Variants in HNRNPC observed in about 807,000 individuals in gnomAD.
HNRNPC encodes the protein heterogeneous nuclear ribonucleoproteins C1/C2.
In HNRNPC, 3 loss-of-function variants were observed where a neutral mutation model predicts 33.2. The observed-to-expected ratio is 0.09, with a 90% CI of 0.04 to 0.23. The LOEUF is 0.23. Among genes scored for constraint, HNRNPC ranks in the 10% least tolerant of loss-of-function variants. HNRNPC has a pLI of 1.00. For synonymous variants in HNRNPC, 121 were observed against 126.7 expected (o/e 0.96, Z 0.30); for missense variants, 143 against 366.7 (o/e 0.39, Z 4.98).
chr14:21,268,049 T>C (rs1248836166), intron 1 of HNRNPC, among the ~76,000 whole-genome samples: 1 of 152,230 alleles, frequency 6.6e-6, no homozygotes, highest in Non-Finnish European at 1.5e-5. Context: ...GTTTAAACTG[T>C]GCTTAACAGC....
intron 2 of HNRNPC, among the ~76,000 whole-genome samples, chr14:21,246,382 A>G (rs1267265757): frequency 6.6e-6 from 1 of 151,710 alleles, no homozygotes; most frequent in East Asian, 1.9e-4. Flanking sequence ...ACATGGTGAA[A>G]CTCCGTCTCT....
At chr14:21,232,238 C>T (rs1894195384) in intron 3 of HNRNPC, among the ~76,000 whole-genome samples, 1 of 152,132 alleles carries the variant, frequency 6.6e-6, no homozygotes, top group African/African-American at 2.4e-5. Context: ...ATTCAGTTTA[C>T]CTTCCCAGTC....
In HNRNPC at chr14:21,223,069, G is replaced by A. The variant is rs577959882; in HGVS notation, c.365+7250C>T. ...CACACACAAAAAAAGAGCCCGGCGT[G>A]GTGATGCATGCCTGTAATCCCAGCT... is the stretch of plus-strand genomic sequence containing the variant. On this transcript the variant is annotated intron_variant, in intron 5 of 8. Coordinates refer to ENST00000553300, the MANE Select transcript of HNRNPC (RefSeq NM_004500.4). Among the ~76,000 whole-genome samples the A allele has an allele frequency of 2.0e-5, 3 of 151,912 alleles. No homozygotes were observed. The East Asian group carries it at 5.8e-4, about 29-fold the overall frequency.
At chr14:21,254,831 G>A (rs572993925) in intron 2 of HNRNPC, among the ~76,000 whole-genome samples, 8 of 151,896 alleles carry the variant, frequency 5.3e-5, no homozygotes, top group African/African-American at 7.3e-5. Context: ...ACTTGAATCC[G>A]GGAGGCGGAG....
At chr14:21,243,536 A>G (rs1483803503) in intron 2 of HNRNPC, among the ~76,000 whole-genome samples, 1 of 152,236 alleles carries the variant, frequency 6.6e-6, no homozygotes, top group Non-Finnish European at 1.5e-5. Flanking sequence ...AAAAGATTAC[A>G]TCTTTTTTTC....
At chr14:21,230,036 C>T (rs1241685458) in intron 5 of HNRNPC, among the ~76,000 whole-genome samples, 1 of 152,156 alleles carries the variant, frequency 6.6e-6, no homozygotes, top group Non-Finnish European at 1.5e-5. Flanking sequence ...TTACCCAAAG[C>T]CACCCATAAC....
chr14:21,267,116 A>AC (rs1879142630), intron 1 of HNRNPC, among the ~76,000 whole-genome samples: 1 of 115,506 alleles, frequency 8.7e-6, no homozygotes, highest in South Asian at 2.8e-4. Flanking sequence ...AAAAAAAAAA[A>AC]AAAAAAAAAA....
In HNRNPC at chr14:21,212,189, C is replaced by T. The variant is rs559501842; in HGVS notation, c.524-266G>A. ...CAGTGACTATTCACACGTATGATCA[C>T]AGTGAACTTAAACTCCTGGCCTCAT... is the stretch of plus-strand genomic sequence containing the variant. On this transcript the variant is annotated intron_variant, in intron 6 of 8. Transcript: ENST00000553300. 2.6e-5 allele frequency among the ~76,000 whole-genome samples: 4 copies of T among 152,274 alleles called. No homozygotes were observed. The East Asian group carries it at 7.7e-4, about 29-fold the overall frequency.
At chr14:21,257,785 T>C (rs911554062) in intron 2 of HNRNPC, among the ~76,000 whole-genome samples, 1 of 152,068 alleles carries the variant, frequency 6.6e-6, no homozygotes, top group Non-Finnish European at 1.5e-5. Flanking sequence ...TGCCAGACTT[T>C]CCTGGCCTTA....
intron 3 of HNRNPC, among the ~76,000 whole-genome samples, chr14:21,233,250 T>C (rs1894313518): frequency 6.6e-6 from 1 of 152,228 alleles, no homozygotes; most frequent in Non-Finnish European, 1.5e-5. Flanking sequence ...GTTGGTTACA[T>C]AACATTATCA....
At chr14:21,256,092 GA>G (rs74555408) in intron 2 of HNRNPC, among the ~76,000 whole-genome samples, 8,105 of 152,182 alleles carry the variant, frequency 0.053, 330 homozygotes, top group East Asian at 0.22. Flanking sequence ...GTAAATCACA[GA>G]AAAATTTTTG....
chr14:21,253,989 AC>A (rs1896955075), intron 2 of HNRNPC, among the ~76,000 whole-genome samples: 1 of 148,728 alleles, frequency 6.7e-6, no homozygotes, highest in Non-Finnish European at 1.5e-5. Context: ...AATGGCATGA[AC>A]CCGGGAGAGG....
chr14:21,250,034 T>C (rs1264852953), intron 2 of HNRNPC, among the ~76,000 whole-genome samples: 1 of 152,116 alleles, frequency 6.6e-6, no homozygotes, highest in East Asian at 1.9e-4. Context: ...ACTGATAATC[T>C]ATATGAATGA....
intron 2 of HNRNPC, among the ~76,000 whole-genome samples, chr14:21,257,229 A>G (rs1877375401): frequency 6.6e-6 from 1 of 152,202 alleles, no homozygotes; most frequent in African/African-American, 2.4e-5. Flanking sequence ...AAATCAGCTT[A>G]TAGGTGGTAT....
intron 2 of HNRNPC, among the ~76,000 whole-genome samples, chr14:21,239,622 C>A (rs1277363771): frequency 6.6e-6 from 1 of 152,086 alleles, no homozygotes; most frequent in African/African-American, 2.4e-5. Flanking sequence ...ACCTGTAATC[C>A]CAGCACTTTG....
At chr14:21,249,495 G>A (rs1028593317) in intron 2 of HNRNPC, among the ~76,000 whole-genome samples, 8 of 148,000 alleles carry the variant, frequency 5.4e-5, no homozygotes, top group African/African-American at 1.5e-4. Flanking sequence ...GCTGAGGCTA[G>A]AGAATTGCTT....
Position 21,209,583 on chromosome 14 carries a change from AG to A in HNRNPC, c.*1639del, listed in dbSNP as rs1891413785. ...GCCTATATCATGTATATGGGCTCCA[AG>A]GGTAGTTCATACTTCAGCCTCTTCA... On this transcript the variant is annotated 3_prime_UTR_variant, in exon 9 of 9. Transcript: ENST00000553300. 1 of 152,196 alleles carries A rather than the reference AG, an allele frequency of 6.6e-6. No individual in the cohort carries two copies. The highest frequency in any genetic ancestry group is 1.5e-5 in the Non-Finnish European group (1 of 68,026). The allele number at this position is 152,196 out of a possible 1,614,324, so 9.4% of individuals were successfully genotyped here.
intron 1 of HNRNPC, among the ~76,000 whole-genome samples, chr14:21,266,923 T>G (rs760101489): frequency 3.3e-5 from 5 of 149,722 alleles, no homozygotes; most frequent in Non-Finnish European, 7.4e-5. Flanking sequence ...AAACCCCGTC[T>G]CTACTAAAAA....
chr14:21,250,811 G>A (rs1896563223), intron 2 of HNRNPC, among the ~76,000 whole-genome samples: 1 of 152,146 alleles, frequency 6.6e-6, no homozygotes, highest in Non-Finnish European at 1.5e-5. Context: ...AATAAAAAAG[G>A]AGTGAAAAGT....
Sources: allele counts gnomAD v4.1 joint callset (sites outside exome capture counted in the v4.1 genomes callset), GRCh38; gene constraint gnomAD v4.1.1; transcripts MANE v1.5; gene names NCBI Gene and HGNC (gene_info 2026-07-23, HGNC 2026-07-21).